Variants in PRKG1 observed in about 807,000 individuals in gnomAD.
PRKG1 encodes cGMP-dependent protein kinase 1.
A neutral mutation model predicts 88.1 loss-of-function variants in PRKG1; 35 were observed. The observed-to-expected ratio is 0.40, with a 90% CI of 0.30 to 0.53. PRKG1 has a LOEUF of 0.53. Among genes scored for constraint, PRKG1 ranks in the 20% least tolerant of loss-of-function variants. The pLI, the probability that PRKG1 is intolerant of heterozygous loss-of-function variation, is 0.59. For missense variants in PRKG1, 540 were observed against 839.8 expected (o/e 0.64, Z 4.41); for synonymous variants, 303 against 292.5 (o/e 1.04, Z -0.37).
chr10:52,064,668 G>T (rs1341039388), intron 7 of PRKG1, among the ~76,000 whole-genome samples: 1 of 152,182 alleles, frequency 6.6e-6, no homozygotes, highest in African/African-American at 2.4e-5. Flanking sequence ...CCAGCCCCAG[G>T]AGCACAGGGA....
At chr10:51,065,588 T>C (rs1843739863) in intron 1 of PRKG1, among the ~76,000 whole-genome samples, 2 of 152,170 alleles carry the variant, frequency 1.3e-5, no homozygotes, top group Admixed American at 1.3e-4. Flanking sequence ...ATATGTTTGA[T>C]TTATTAAATA....
chr10:51,805,110 C>T (rs187365333), intron 4 of PRKG1, among the ~76,000 whole-genome samples: 74 of 152,096 alleles, frequency 4.9e-4, no homozygotes, highest in Middle Eastern at 3.4e-3. Context: ...ACTGTAAGGC[C>T]GAGTCATCTC....
intron 5 of PRKG1, among the ~76,000 whole-genome samples, chr10:51,987,296 T>C (rs963038853): frequency 1.5e-5 from 2 of 130,696 alleles, no homozygotes; most frequent in Non-Finnish European, 3.4e-5. Context: ...CTTAGCACTT[T>C]TAATTAAAAA....
intron 1 of PRKG1, among the ~76,000 whole-genome samples, chr10:51,038,195 G>T (rs536946832): frequency 1.3e-4 from 20 of 152,248 alleles, no homozygotes; most frequent in African/African-American, 4.8e-4. Flanking sequence ...AAAAGTTGTG[G>T]ATACATAGTT....
chr10:51,473,874 T>C lies in PRKG1; in HGVS notation c.592+6038T>C, dbSNP rs1351578170. On this transcript the variant is annotated intron_variant, in intron 3 of 17. Transcript: ENST00000373980. The stretch of plus-strand genomic sequence containing the variant: ...AAGCTTGAGTCAGTTTTTGGTGTAA[T>C]GAATCTTCATTCATTCATTTAACAA... 2.6e-5 allele frequency among the ~76,000 whole-genome samples: 4 copies of C among 151,916 alleles called. No homozygotes were observed. The East Asian group carries it at 7.7e-4, about 29-fold the overall frequency.
intron 5 of PRKG1, among the ~76,000 whole-genome samples, chr10:51,912,123 C>T (rs1378456815): frequency 2.6e-5 from 4 of 152,170 alleles, no homozygotes; most frequent in East Asian, 3.8e-4. Flanking sequence ...TCTAAATGAA[C>T]GTATGGGGAG....
At chr10:52,146,344 T>C (rs1389174209) in intron 8 of PRKG1, among the ~76,000 whole-genome samples, 1 of 152,170 alleles carries the variant, frequency 6.6e-6, no homozygotes, top group East Asian at 1.9e-4. Context: ...TCTGCCTAGA[T>C]ATTTTTCTCC....
chr10:51,358,956 G>A (rs1399416328), intron 2 of PRKG1, among the ~76,000 whole-genome samples: 1 of 146,942 alleles, frequency 6.8e-6, no homozygotes, highest in Non-Finnish European at 1.5e-5. Flanking sequence ...TGTGGATTTT[G>A]TAGATTTTTC....
intron 1 of PRKG1, among the ~76,000 whole-genome samples, chr10:51,039,275 T>G (rs1001000871): frequency 2.6e-5 from 4 of 152,226 alleles, no homozygotes; most frequent in Non-Finnish European, 5.9e-5. Context: ...AAAAGCCATT[T>G]TAACTGGGAT....
Position 51,899,642 on chromosome 10 carries a change from C to A in PRKG1, c.699-7865C>A, listed in dbSNP as rs138203513. Among the ~76,000 whole-genome samples, 1,184 of 119,656 alleles carry A rather than the reference C, an allele frequency of 9.9e-3. 17 individuals carry two copies. The highest frequency in any genetic ancestry group is 0.03 in the African/African-American group (1,026 of 33,760). 78.5% of individuals were successfully genotyped at this position (119,656 alleles called of 152,430 possible). A position where few individuals can be genotyped will look rare whatever the true frequency, so the allele number is the denominator to read the frequency against. On this transcript the variant is annotated intron_variant, in intron 4 of 17. Transcript: ENST00000373980. Reference sequence around the variant, plus strand: ...CATTGCACTCCAGCTTGGGCGACAGCGTGAGAGTCTGTCAAAAAAAAGAAA... The same window carrying A: ...CATTGCACTCCAGCTTGGGCGACAGAGTGAGAGTCTGTCAAAAAAAAGAAA...
chr10:51,722,814 CAA>C (rs1266436663), intron 3 of PRKG1, among the ~76,000 whole-genome samples: 1 of 152,088 alleles, frequency 6.6e-6, no homozygotes, highest in Non-Finnish European at 1.5e-5. Context: ...TTTATAGATA[CAA>C]GAGAGAGTTA....
intron 5 of PRKG1, among the ~76,000 whole-genome samples, chr10:51,964,150 A>G (rs1033131047): frequency 2.0e-5 from 3 of 152,140 alleles, no homozygotes; most frequent in Non-Finnish European, 4.4e-5. Context: ...CCTTTTGCTG[A>G]CATTGACCCT....
At chr10:51,289,110 A>G (rs531054612) in intron 2 of PRKG1, among the ~76,000 whole-genome samples, 35 of 152,316 alleles carry the variant, frequency 2.3e-4, no homozygotes, top group Non-Finnish European at 3.8e-4. Context: ...TAATAAAAAG[A>G]AACATGTAGT....
intron 7 of PRKG1, among the ~76,000 whole-genome samples, chr10:52,102,350 A>T (rs1434807137): frequency 1.3e-5 from 2 of 152,146 alleles, no homozygotes; most frequent in African/African-American, 4.8e-5. Context: ...CATCACAACC[A>T]TATGCTGTGG....
At chr10:52,099,087 T>A (rs1847238890) in intron 7 of PRKG1, among the ~76,000 whole-genome samples, 1 of 152,170 alleles carries the variant, frequency 6.6e-6, no homozygotes, top group Admixed American at 6.5e-5. Flanking sequence ...AAGAGCAGGA[T>A]CATAAAATAG....
intron 2 of PRKG1, among the ~76,000 whole-genome samples, chr10:51,273,583 T>C (rs1315116899): frequency 6.6e-6 from 1 of 152,102 alleles, no homozygotes; most frequent in East Asian, 1.9e-4. Flanking sequence ...TTAAACCTAG[T>C]CCAGCTCAAA....
chr10:51,558,791 A>G (rs535111120), intron 3 of PRKG1, among the ~76,000 whole-genome samples: 3 of 152,256 alleles, frequency 2.0e-5, no homozygotes, highest in East Asian at 3.9e-4. Context: ...TGACGTGTAG[A>G]CAAGCAGGTA....
chr10:51,058,617 C>T (rs12253781), intron 1 of PRKG1, among the ~76,000 whole-genome samples: 13,610 of 152,186 alleles, frequency 0.089, 1,976 homozygotes, highest in African/African-American at 0.3. Flanking sequence ...TATGCATCTA[C>T]TTTGATGTCT....
intron 2 of PRKG1, among the ~76,000 whole-genome samples, chr10:51,289,082 T>A (rs1840516757): frequency 6.6e-6 from 1 of 152,114 alleles, no homozygotes; most frequent in African/African-American, 2.4e-5. Flanking sequence ...TTCCACTAGA[T>A]AACTAACTTT....
Sources: gnomAD v4.1 joint callset for allele counts (sites outside exome capture counted in the v4.1 genomes callset) on GRCh38, gnomAD v4.1.1 for gene constraint, MANE v1.5 for transcripts, NCBI Gene and HGNC (gene_info 2026-07-23, HGNC 2026-07-21) for gene names.